The following MYOCD variants were observed in gnomAD, a reference collection of about 807,000 sequenced individuals.
MYOCD encodes myocardin.
MYOCD carries 32 observed loss-of-function variants against 96.1 expected under a neutral mutation model. The observed-to-expected ratio is 0.33, with a 90% CI of 0.25 to 0.45. The LOEUF (loss-of-function observed/expected upper bound fraction) is 0.45, where lower values mean the gene tolerates loss of function less well. MYOCD is among the 20% of genes least tolerant of loss of function. The pLI is 1.00. For missense variants in MYOCD, 1,133 were observed against 1,200.6 expected (o/e 0.94, Z 0.83); for synonymous variants, 469 against 469.0 (o/e 1.00, Z 0.00).
intron 1 of MYOCD, 148 bp downstream of exon 1, chr17:12,666,391 T>A: frequency 1.5e-6 from 1 of 666,962 alleles, no homozygotes; most frequent in Non-Finnish European, 2.7e-6. Context: ...CGAAGAGTTT[T>A]GTTTGACTTT....
chr17:12,720,817 T>G (rs1299160563), intron 4 of MYOCD, among the ~76,000 whole-genome samples: 1 of 151,900 alleles, frequency 6.6e-6, no homozygotes, highest in African/African-American at 2.4e-5. Context: ...GGTCAGGAGA[T>G]CGAGACCATC....
intron 1 of MYOCD, among the ~76,000 whole-genome samples, chr17:12,667,903 T>C (rs960813644): frequency 5.3e-5 from 8 of 151,690 alleles, no homozygotes; most frequent in Non-Finnish European, 1.0e-4. Context: ...TAAGGAAAGG[T>C]AGCTTCGGGA....
At position 12,722,901 on chromosome 17, in the gene MYOCD, G is replaced by A. The variant is rs201398208; in HGVS notation, c.308G>A (p.Arg103Gln). The A allele has an allele frequency of 4.1e-5, 66 of 1,613,824 alleles. No individual in the cohort carries two copies. Among genetic ancestry groups the A allele is most frequent in the East Asian group, 1.8e-4 (8 of 44,872 alleles). Residue 103 changes from arginine (R) to glutamine (Q), a missense_variant, in exon 5 of 14, where the codon CGA becomes CAA. Coordinates refer to ENST00000425538, the MANE Select transcript of MYOCD (RefSeq NM_001146312.3). ...GCTCAGATGAAGCTGAAAAGAGCCCGACTCGCCGATGATCTCAATGAAAAA... is the reference window on the plus strand; with the variant it reads ...GCTCAGATGAAGCTGAAAAGAGCCCAACTCGCCGATGATCTCAATGAAAAA... ...PTAQMKLKRARLADDLNEKIA... is the reference protein window; with the variant it reads ...PTAQMKLKRAQLADDLNEKIA...
chr17:12,721,483 G>A (rs1452534017), intron 4 of MYOCD, among the ~76,000 whole-genome samples: 1 of 152,184 alleles, frequency 6.6e-6, no homozygotes, highest in Non-Finnish European at 1.5e-5. Flanking sequence ...CCAAAAGTAC[G>A]ATGTTGGTAA....
chr17:12,692,321 C>A (rs952689046), intron 1 of MYOCD, among the ~76,000 whole-genome samples: 6 of 152,198 alleles, frequency 3.9e-5, no homozygotes, highest in Non-Finnish European at 7.3e-5. Flanking sequence ...AATAGGTGGG[C>A]TTTCTTGTGA....
chr17:12,683,535 C>T (rs769132983), intron 1 of MYOCD, among the ~76,000 whole-genome samples: 28 of 152,064 alleles, frequency 1.8e-4, no homozygotes, highest in South Asian at 4.2e-4. Context: ...TCAAGTCTTT[C>T]GGGAATGAAA....
intron 1 of MYOCD, among the ~76,000 whole-genome samples, chr17:12,677,807 C>CATATTG (rs1420867854): frequency 1.3e-5 from 2 of 151,532 alleles, no homozygotes; most frequent in African/African-American, 4.9e-5. Context: ...TATAAGATAT[C>CATATTG]ATATTGATTC....
intron 7 of MYOCD, among the ~76,000 whole-genome samples, chr17:12,742,528 C>T (rs1331287488): frequency 2.0e-5 from 3 of 152,030 alleles, no homozygotes; most frequent in African/African-American, 4.8e-5. Context: ...TCATGACATC[C>T]GTGTTCTTCA....
chr17:12,697,083 T>G (rs919673903), intron 1 of MYOCD, among the ~76,000 whole-genome samples: 1 of 151,920 alleles, frequency 6.6e-6, no homozygotes, highest in Admixed American at 6.6e-5. Flanking sequence ...CCTAGTCCAA[T>G]GTAGGGACAG....
At chr17:12,699,594 C>T (rs2030960443) in intron 1 of MYOCD, among the ~76,000 whole-genome samples, 1 of 152,148 alleles carries the variant, frequency 6.6e-6, no homozygotes, top group Non-Finnish European at 1.5e-5. Context: ...ACCAGGACAA[C>T]AAAAATTCAG....
chr17:12,741,155 A>G (rs1017666751), intron 7 of MYOCD, among the ~76,000 whole-genome samples: 2 of 152,220 alleles, frequency 1.3e-5, no homozygotes, highest in African/African-American at 2.4e-5. Context: ...ATTGAAGTAA[A>G]AATCAATGAT....
rs1050864701 is a variant in MYOCD, at chr17:12,763,519, C to T, written c.2836C>T (p.Pro946Ser). ...ETMEWLDLTP[P>S]NSTPGFSALT... ...CATGGAGTGGCTGGACCTCACTCCG[C>T]CAAATTCCACACCAGGCTTTAGCGC... is the stretch of plus-strand genomic sequence containing the variant. The change falls in exon 14 of 14, where the codon CCA (proline) becomes TCA (serine). Residue 946 changes from proline (P) to serine (S), a missense_variant. Pro to Ser is a moderately conservative substitution (Grantham distance 74). Transcript: ENST00000425538. The T allele has an allele frequency of 1.9e-6, 3 of 1,614,186 alleles. No individual in the cohort carries two copies. The highest frequency in any genetic ancestry group is 3.3e-5 in the Admixed American group (2 of 60,030).
At chr17:12,759,924 A>G (rs1166185923) in intron 12 of MYOCD, among the ~76,000 whole-genome samples, 1 of 152,240 alleles carries the variant, frequency 6.6e-6, no homozygotes, top group African/African-American at 2.4e-5. Flanking sequence ...CCTGTGCTAG[A>G]AAGCATTCTG....
intron 9 of MYOCD, among the ~76,000 whole-genome samples, chr17:12,749,447 TG>T (rs2032762768): frequency 6.6e-6 from 1 of 151,706 alleles, no homozygotes; most frequent in Non-Finnish European, 1.5e-5. Flanking sequence ...GGGAATTGCT[TG>T]AACCCAGGAG....
chr17:12,681,383 TC>T (rs1443840314), intron 1 of MYOCD, among the ~76,000 whole-genome samples: 2 of 152,214 alleles, frequency 1.3e-5, no homozygotes, highest in Non-Finnish European at 2.9e-5. Context: ...GAGAGAGAAT[TC>T]CTTTTGAGGC....
chr17:12,675,692 A>G (rs572075299), intron 1 of MYOCD, among the ~76,000 whole-genome samples: 17 of 152,318 alleles, frequency 1.1e-4, no homozygotes, highest in Admixed American at 2.6e-4. Flanking sequence ...ACCCGTCCCT[A>G]CTAAAAATAC....
At position 12,760,715 on chromosome 17, in the gene MYOCD, T is replaced by G; in HGVS notation, c.2389+8T>G. 6.2e-7 allele frequency: 1 copy of G among 1,612,120 alleles called. No homozygotes were observed. The highest frequency in any genetic ancestry group is 8.5e-7 in the Non-Finnish European group (1 of 1,178,340). On this transcript the variant is annotated splice_region_variant and intron_variant, in intron 13 of 13. Transcript: ENST00000425538. Reference sequence around the variant, plus strand: ...TGCTTATTGAAAGCGGAGGTAAGACTGCCTGTGTCCTGTCCATTAGGACAT... The same window carrying G: ...TGCTTATTGAAAGCGGAGGTAAGACGGCCTGTGTCCTGTCCATTAGGACAT...
intron 9 of MYOCD, among the ~76,000 whole-genome samples, chr17:12,751,267 A>G (rs1221258859): frequency 6.6e-6 from 1 of 151,708 alleles, no homozygotes; most frequent in Non-Finnish European, 1.5e-5. Flanking sequence ...ATATGCAAAC[A>G]TAGGTTCAAA....
intron 5 of MYOCD, among the ~76,000 whole-genome samples, chr17:12,728,426 G>C (rs1326873419): frequency 2.6e-5 from 4 of 152,232 alleles, no homozygotes; most frequent in South Asian, 2.1e-4. Flanking sequence ...TTCTCCTAAA[G>C]TGTTCTCACC....
Sources: gnomAD v4.1 joint callset for allele counts (sites outside exome capture counted in the v4.1 genomes callset) on GRCh38, gnomAD v4.1.1 for gene constraint, MANE v1.5 for transcripts, NCBI Gene and HGNC (gene_info 2026-07-23, HGNC 2026-07-21) for gene names.